The following OIT3 variants were observed in gnomAD, a reference collection of about 807,000 sequenced individuals.
The protein encoded by OIT3 is oncoprotein-induced transcript 3 protein.
In OIT3, 41 loss-of-function variants were observed where a neutral mutation model predicts 52.2. The observed-to-expected ratio is 0.79, with a 90% confidence interval of 0.61 to 1.02. The LOEUF is 1.02. OIT3 is among the 50% of genes least tolerant of loss of function. The pLI is 0.00. For synonymous variants in OIT3, 244 were observed against 276.9 expected, an observed-to-expected ratio of 0.88 and a Z score of 1.18; for missense variants, 634 against 715.5, an observed-to-expected ratio of 0.89 and a Z score of 1.30.
At chr10:72,932,065 C>CTCTT (rs1471004742) in intron 8 of OIT3, among the ~76,000 whole-genome samples, 1 of 152,208 alleles carries the variant, frequency 6.6e-6, no homozygotes, top group Non-Finnish European at 1.5e-5. Flanking sequence ...TCACAAAGGT[C>CTCTT]TCTTCTGTTC....
At chr10:72,904,286 C>G (rs183176240) in intron 3 of OIT3, among the ~76,000 whole-genome samples, 10 of 152,070 alleles carry the variant, frequency 6.6e-5, no homozygotes, top group African/African-American at 9.7e-5. Context: ...TGAGTCTTGC[C>G]GGAGCTCCCG....
At chr10:72,894,679 A>G (rs1016401503) in intron 1 of OIT3, among the ~76,000 whole-genome samples, 1 of 152,152 alleles carries the variant, frequency 6.6e-6, no homozygotes, top group South Asian at 2.1e-4. Flanking sequence ...GGAGTTCAAG[A>G]CCAGCCTGGC....
intron 6 of OIT3, among the ~76,000 whole-genome samples, chr10:72,916,297 C>G (rs188158083): frequency 2.0e-5 from 3 of 152,200 alleles, no homozygotes; most frequent in Non-Finnish European, 4.4e-5. Context: ...TACCCGTTAG[C>G]TATATTTCCT....
At chr10:72,928,492 AAC>A (rs1309991942) in intron 7 of OIT3, among the ~76,000 whole-genome samples, 2 of 152,234 alleles carry the variant, frequency 1.3e-5, no homozygotes. Context: ...AAAGAAAAAT[AAC>A]AGTTATTTTG....
chr10:72,932,537 C>A lies in OIT3; in HGVS notation c.*13C>A. The A allele has an allele frequency of 6.3e-7, 1 of 1,579,476 alleles. No homozygotes were observed. The highest frequency in any genetic ancestry group is 8.6e-7 in the Non-Finnish European group (1 of 1,162,764). ...CTGGGAGGACTAGTTCGTAGCCATA[C>A]CTCGAGTCCCTGCATTGGACGGCTC... On this transcript the variant is annotated 3_prime_UTR_variant, in exon 9 of 9. Coordinates refer to ENST00000334011, the MANE Select transcript of OIT3 (RefSeq NM_152635.3).
intron 3 of OIT3, among the ~76,000 whole-genome samples, chr10:72,904,223 G>C (rs1845959167): frequency 6.6e-6 from 1 of 152,166 alleles, no homozygotes. Context: ...AGAGTTGTAA[G>C]CCCTTAAGAG....
intron 6 of OIT3, chr10:72,917,582 T>C: frequency 1.4e-6 from 1 of 737,922 alleles, no homozygotes; most frequent in South Asian, 1.4e-5. Flanking sequence ...ATATCAACTG[T>C]TACAGAAATG....
intron 1 of OIT3, among the ~76,000 whole-genome samples, chr10:72,898,186 C>G (rs997582189): frequency 2.6e-5 from 4 of 151,766 alleles, no homozygotes; most frequent in African/African-American, 9.7e-5. Context: ...ACTTCAGAGG[C>G]TGGGTGGGGA....
chr10:72,898,004 C>G (rs1194202397), intron 1 of OIT3, among the ~76,000 whole-genome samples: 2 of 151,954 alleles, frequency 1.3e-5, no homozygotes, highest in African/African-American at 4.8e-5. Flanking sequence ...CAGTCTCCGG[C>G]CGAGCACCAG....
chr10:72,895,599 G>A (rs189329225), intron 1 of OIT3, among the ~76,000 whole-genome samples: 1 of 152,288 alleles, frequency 6.6e-6, no homozygotes, highest in East Asian at 1.9e-4. Flanking sequence ...GGCACTTCCC[G>A]ACCAAGCTCA....
rs573120932 is a variant in OIT3, at chr10:72,909,903, C to T, written c.668-1814C>T. Among the ~76,000 whole-genome samples the T allele has an allele frequency of 3.9e-5, 6 of 152,286 alleles. No homozygotes were observed. The East Asian group carries it at 1.2e-3, about 29-fold the overall frequency. ...TCACACGATCCACCTGCCTTGGCCT[C>T]CCAAAGGGCTGGGATTATAGGTGTG... On this transcript the variant is annotated intron_variant, in intron 4 of 8. Transcript: ENST00000334011.
chr10:72,907,747 A>G (rs1421789529), intron 4 of OIT3, among the ~76,000 whole-genome samples: 1 of 152,206 alleles, frequency 6.6e-6, no homozygotes, highest in Non-Finnish European at 1.5e-5. Context: ...GATAAATAAA[A>G]TAATCTATTT....
intron 3 of OIT3, among the ~76,000 whole-genome samples, chr10:72,902,235 C>G (rs180767170): frequency 1.2e-4 from 19 of 152,204 alleles, no homozygotes; most frequent in Admixed American, 1.3e-4. Context: ...CCTGAAGTCT[C>G]TGCCCACCCT....
chr10:72,898,455 T>C (rs1238933282), intron 1 of OIT3, among the ~76,000 whole-genome samples: 7 of 152,208 alleles, frequency 4.6e-5, no homozygotes, highest in Non-Finnish European at 7.3e-5. Context: ...AACACTTAAC[T>C]TTAGGTTTGA....
At chr10:72,918,145 C>A in intron 6 of OIT3, 1 of 1,359,936 alleles carries the variant, frequency 7.4e-7, no homozygotes, top group Non-Finnish European at 1.0e-6. Flanking sequence ...TTCACATCCT[C>A]CTCCTCTTCA....
chr10:72,899,550 C>A (rs1448915698), intron 2 of OIT3, among the ~76,000 whole-genome samples: 1 of 147,546 alleles, frequency 6.8e-6, no homozygotes, highest in Non-Finnish European at 1.5e-5. Flanking sequence ...AGGCGAAAAT[C>A]GTGCCATTGC....
rs558705826 is a variant in OIT3, at chr10:72,908,919, T to A, written c.667+2201T>A. Among the ~76,000 whole-genome samples, 1,410 of 151,214 alleles carry A rather than the reference T, an allele frequency of 9.3e-3. 26 individuals are homozygous for A. The highest frequency in any genetic ancestry group is 0.028 in the African/African-American group (1,155 of 41,314). Reference sequence around the variant, plus strand: ...TTGATAATTATATGTTCTTTTTTTTTAAAAAAAAGGCCCTTTTTAATTTTT... The same window carrying A: ...TTGATAATTATATGTTCTTTTTTTTAAAAAAAAAGGCCCTTTTTAATTTTT... On this transcript the variant is annotated intron_variant, in intron 4 of 8. Transcript: ENST00000334011.
intron 5 of OIT3, 98 bp downstream of exon 5, chr10:72,911,937 A>T (rs1846032439): frequency 9.2e-7 from 1 of 1,089,146 alleles, no homozygotes. Flanking sequence ...CAGGGTTCTC[A>T]TCTTTTAGAA....
At chr10:72,894,209 T>C (rs1002960417) in intron 1 of OIT3, among the ~76,000 whole-genome samples, 4 of 151,924 alleles carry the variant, frequency 2.6e-5, no homozygotes, top group African/African-American at 9.7e-5. Flanking sequence ...AAGTTGAGCA[T>C]AGAATTTTTC....
Sources: gnomAD v4.1 joint callset for allele counts (sites outside exome capture counted in the v4.1 genomes callset) on GRCh38, gnomAD v4.1.1 for gene constraint, MANE v1.5 for transcripts, NCBI Gene and HGNC (gene_info 2026-07-23, HGNC 2026-07-21) for gene names.